DDR2: variants seen among roughly 807,000 people sequenced by gnomAD.
The protein encoded by DDR2 is discoidin domain-containing receptor 2.
A neutral mutation model predicts 94.9 loss-of-function variants in DDR2; 27 were observed. The ratio of observed to expected loss-of-function variants is 0.28; its 90% CI spans 0.21 to 0.39. The LOEUF (loss-of-function observed/expected upper bound fraction) is 0.39, where lower values mean the gene tolerates loss of function less well. Among genes scored for constraint, DDR2 ranks in the 10% least tolerant of loss-of-function variants. The pLI is 1.00. For missense variants in DDR2, 783 were observed against 1,076.0 expected (o/e 0.73, Z 3.81); for synonymous variants, 382 against 377.2 (o/e 1.01, Z -0.15).
intron 2 of DDR2, among the ~76,000 whole-genome samples, chr1:162,710,110 T>C (rs1225368108): frequency 6.6e-6 from 1 of 152,230 alleles, no homozygotes; most frequent in African/African-American, 2.4e-5. Flanking sequence ...CTCAACATCT[T>C]CTTGTCTTCT....
rs1662626077 is a variant in DDR2 at position 162,741,786 on chromosome 1, C to T, written c.83-11309C>T. On this transcript the variant is annotated intron_variant, in intron 3 of 17. Coordinates refer to ENST00000367921, the MANE Select transcript of DDR2 (RefSeq NM_006182.4). Reference sequence around the variant, plus strand: ...CAATGTGAGCGTTCTGATAAACTGACCTGGGCATGTAGCCCAGGTTAAAGG... The same window carrying T: ...CAATGTGAGCGTTCTGATAAACTGATCTGGGCATGTAGCCCAGGTTAAAGG... The T allele has an allele frequency of 3.1e-6, 3 of 983,600 alleles. No homozygotes were observed. The South Asian group carries it at 1.4e-4, about 46-fold the overall frequency. The allele number at this position is 983,600 out of a possible 1,614,324, so 60.9% of individuals were successfully genotyped here.
intron 3 of DDR2, among the ~76,000 whole-genome samples, chr1:162,743,999 G>A (rs2806421): frequency 0.8 from 122,132 of 152,146 alleles, 50,753 homozygotes; most frequent in Non-Finnish European, 0.92. Flanking sequence ...TTTTTATTAA[G>A]CATAATTGTT....
intron 2 of DDR2, among the ~76,000 whole-genome samples, chr1:162,705,866 C>G (rs1421186939): frequency 6.6e-6 from 1 of 152,206 alleles, no homozygotes; most frequent in Non-Finnish European, 1.5e-5. Flanking sequence ...AGCACACTGC[C>G]TGATACATAA....
chr1:162,772,253 T>C lies in DDR2; in HGVS notation c.1728+6T>C, dbSNP rs759234577. 2.9e-5 allele frequency: 46 copies of C among 1,613,574 alleles called. No individual in the cohort carries two copies. Among genetic ancestry groups the C allele is most frequent in the African/African-American group, 4.0e-5 (3 of 74,918 alleles). ...GAGAAGGACAGTTTGGGGAGGTGAG[T>C]TGATTCTTTGATTCCCTTATAGCTC... On this transcript the variant is annotated splice_donor_region_variant and intron_variant, in intron 13 of 17. Transcript: ENST00000367921.
chr1:162,775,127 A>G (rs985520932), intron 14 of DDR2, among the ~76,000 whole-genome samples: 3 of 152,206 alleles, frequency 2.0e-5, no homozygotes, highest in Non-Finnish European at 4.4e-5. Flanking sequence ...TACATGTTGC[A>G]ACTGACTGAT....
intron 3 of DDR2, among the ~76,000 whole-genome samples, chr1:162,744,799 G>A (rs754173385): frequency 6.6e-6 from 1 of 152,094 alleles, no homozygotes; most frequent in Non-Finnish European, 1.5e-5. Flanking sequence ...TGTGAATGGT[G>A]CTGCAATGAA....
chr1:162,652,907 T>A (rs1270456205), intron 1 of DDR2, among the ~76,000 whole-genome samples: 1 of 151,290 alleles, frequency 6.6e-6, no homozygotes, highest in East Asian at 2.0e-4. Flanking sequence ...GAGTTAGAGA[T>A]CAGCCTGGGC....
intron 2 of DDR2, among the ~76,000 whole-genome samples, chr1:162,672,768 G>GT (rs751706627): frequency 6.6e-6 from 1 of 152,026 alleles, no homozygotes; most frequent in Non-Finnish European, 1.5e-5. Context: ...ATACAGTTTT[G>GT]TTTTTTCCAA....
chr1:162,770,183 T>A lies in DDR2; in HGVS notation c.1294-119T>A. On this transcript the variant is annotated intron_variant, in intron 11 of 17. Coordinates refer to ENST00000367921, the MANE Select transcript of DDR2 (RefSeq NM_006182.4). ...GCATTCCTAGCACGTGCAGTGTTGC[T>A]GGGGTTAAACAGTAGTAAAGAGTTA... is the stretch of plus-strand genomic sequence containing the variant. 3 of 992,872 alleles carry A rather than the reference T, an allele frequency of 3.0e-6. No homozygotes were observed. The South Asian group carries it at 3.8e-5, about 13-fold the overall frequency. 61.5% of individuals were successfully genotyped at this position (992,872 alleles called of 1,614,324 possible).
At chr1:162,680,602 T>A (rs1185656039) in intron 2 of DDR2, among the ~76,000 whole-genome samples, 1 of 152,200 alleles carries the variant, frequency 6.6e-6, no homozygotes, top group Non-Finnish European at 1.5e-5. Context: ...AGCTCATTTC[T>A]TTCTTGTTGA....
At chr1:162,725,176 A>G (rs1661598978) in intron 3 of DDR2, among the ~76,000 whole-genome samples, 1 of 152,210 alleles carries the variant, frequency 6.6e-6, no homozygotes, top group Non-Finnish European at 1.5e-5. Context: ...ATTATATAAT[A>G]GTAGTATTAT....
intron 8 of DDR2, among the ~76,000 whole-genome samples, chr1:162,760,505 C>A (rs1427612340): frequency 1.2e-4 from 8 of 69,094 alleles, no homozygotes; most frequent in Non-Finnish European, 1.8e-4. Context: ...TATACATATA[C>A]AACTATATAT....
intron 2 of DDR2, among the ~76,000 whole-genome samples, chr1:162,680,970 A>T (rs4353066): frequency 0.99 from 150,728 of 152,278 alleles, 74,614 homozygotes; most frequent in East Asian, 1. Context: ...TGTTGTGTCC[A>T]TAGAGACGTG....
chr1:162,669,392 G>A (rs1658726666), intron 2 of DDR2, among the ~76,000 whole-genome samples: 2 of 152,098 alleles, frequency 1.3e-5, no homozygotes, highest in African/African-American at 2.4e-5. Context: ...GGAGATGATC[G>A]AATACCATTA....
chr1:162,666,228 C>G (rs145198490), intron 2 of DDR2, among the ~76,000 whole-genome samples: 2 of 152,346 alleles, frequency 1.3e-5, no homozygotes, highest in South Asian at 2.1e-4. Flanking sequence ...CTCTCATTCT[C>G]TCTCTCGCAT....
intron 3 of DDR2, among the ~76,000 whole-genome samples, chr1:162,739,459 A>G (rs1055536498): frequency 6.6e-5 from 10 of 152,202 alleles, no homozygotes; most frequent in African/African-American, 2.4e-4. Flanking sequence ...TGGGCACACC[A>G]CCATGCCTGG....
rs1283872519 is a variant in DDR2, at chr1:162,780,297, C to G, written c.*51C>G. ...TACGGCTCAGGTCCTCCCTACAAGA[C>G]CTACCACTCACCCATGCCTATGCCA... On this transcript the variant is annotated 3_prime_UTR_variant, in exon 18 of 18. Transcript: ENST00000367921. 4 of 1,612,674 alleles carry G rather than the reference C, an allele frequency of 2.5e-6. No individual in the cohort carries two copies. The African/African-American group carries it at 5.3e-5, about 22-fold the overall frequency.
chr1:162,759,761 C>G, intron 7 of DDR2, 35 bp from the exon 8 acceptor site: 1 of 1,611,970 alleles, frequency 6.2e-7, no homozygotes, highest in Non-Finnish European at 8.5e-7. Context: ...TCAGATTTCT[C>G]TCTCCTTTTC....
At chr1:162,735,303 G>C (rs1197805407) in intron 3 of DDR2, among the ~76,000 whole-genome samples, 3 of 152,182 alleles carry the variant, frequency 2.0e-5, no homozygotes, top group Non-Finnish European at 4.4e-5. Context: ...ACGAGTCGAG[G>C]AAGAGGGGAG....
Sources: gnomAD v4.1 joint callset for allele counts (sites outside exome capture counted in the v4.1 genomes callset) on GRCh38, gnomAD v4.1.1 for gene constraint, MANE v1.5 for transcripts, NCBI Gene and HGNC (gene_info 2026-07-23, HGNC 2026-07-21) for gene names.